PCDHGB4: variants seen among roughly 807,000 people sequenced by gnomAD.
PCDHGB4 encodes protocadherin gamma subfamily B, 4.
PCDHGB4 carries 38 observed loss-of-function variants against 60.5 expected under a neutral mutation model. The ratio of observed to expected loss-of-function variants is 0.63; its 90% CI spans 0.48 to 0.82. The LOEUF is 0.82. Among genes scored for constraint, PCDHGB4 ranks in the 40% least tolerant of loss-of-function variants. The pLI is 0.00. For missense variants in PCDHGB4, 1,109 were observed against 1,209.6 expected, an observed-to-expected ratio of 0.92 and a Z score of 1.23; for synonymous variants, 456 against 509.7, an observed-to-expected ratio of 0.89 and a Z score of 1.42.
intron 1 of PCDHGB4, chr5:141,395,493 A>T: frequency 2.0e-6 from 1 of 490,474 alleles, no homozygotes; most frequent in Non-Finnish European, 3.5e-6. Context: ...ATTATCACTC[A>T]TTCACTTAAG....
Position 141,494,880 on chromosome 5 carries a change from C to T in PCDHGB4, c.2456+15C>T. On this transcript the variant is annotated intron_variant, in intron 2 of 3. Transcript: ENST00000519479. ...GGCACCAGCGGGTAGGTGACTGATT[C>T]TCCAGCCCACCCTCTTCTCTGCGGC... 3 of 1,614,158 alleles carry T rather than the reference C, an allele frequency of 1.9e-6. No homozygotes were observed. Among genetic ancestry groups the T allele is most frequent in the Non-Finnish European group, 1.7e-6 (2 of 1,180,012 alleles).
chr5:141,406,647 A>G (rs2094834813), intron 1 of PCDHGB4, among the ~76,000 whole-genome samples: 1 of 152,182 alleles, frequency 6.6e-6, no homozygotes, highest in Non-Finnish European at 1.5e-5. Context: ...TAATTTCCTA[A>G]TGCTTTAATG....
chr5:141,496,215 T>C (rs2099767024), intron 2 of PCDHGB4, among the ~76,000 whole-genome samples: 3 of 152,114 alleles, frequency 2.0e-5, no homozygotes, highest in Non-Finnish European at 4.4e-5. Context: ...TATGAATTCC[T>C]GCTGAGACAG....
chr5:141,454,356 T>G (rs1461475653), intron 1 of PCDHGB4, among the ~76,000 whole-genome samples: 1 of 152,224 alleles, frequency 6.6e-6, no homozygotes, highest in East Asian at 1.9e-4. Context: ...TGATCCAAAC[T>G]TAGAAAGGAG....
chr5:141,409,928 G>T, intron 1 of PCDHGB4: 4 of 1,613,354 alleles, frequency 2.5e-6, no homozygotes, highest in Non-Finnish European at 2.5e-6. Flanking sequence ...CGCGTTCTTC[G>T]ATATGGTACC....
rs971610218 is a variant in PCDHGB4, at chr5:141,400,979, C to T, written c.2397+10698C>T. Among the ~76,000 whole-genome samples, 10 of 152,258 alleles carry T rather than the reference C, an allele frequency of 6.6e-5. No individual in the cohort carries two copies. The East Asian group carries it at 9.6e-4, about 15-fold the overall frequency. ...GTAGTTTTCATCTCTTTCTTATGTT[C>T]CTCATATATGCTTTCTTATTCCTAC... On this transcript the variant is annotated intron_variant, in intron 1 of 3. Transcript: ENST00000519479.
At position 141,469,305 on chromosome 5, in the gene PCDHGB4, G is replaced by A. The variant is rs990437808; in HGVS notation, c.2398-25502G>A. Among the ~76,000 whole-genome samples the A allele has an allele frequency of 3.9e-5, 6 of 152,192 alleles. No homozygotes were observed. The South Asian group carries it at 6.2e-4, about 16-fold the overall frequency. On this transcript the variant is annotated intron_variant, in intron 1 of 3. Transcript: ENST00000519479. ...AAATAAAACAAAATAGACTGGGCACGATGGCTCACGCCTGTAATCCCACCA... is the reference window on the plus strand; with the variant it reads ...AAATAAAACAAAATAGACTGGGCACAATGGCTCACGCCTGTAATCCCACCA...
intron 3 of PCDHGB4, 149 bp downstream of exon 3, chr5:141,505,630 A>G (rs558394591): frequency 4.7e-5 from 69 of 1,480,262 alleles, no homozygotes; most frequent in Admixed American, 2.2e-5. Flanking sequence ...AATTCCAAAC[A>G]TAAAGCCTGG....
intron 1 of PCDHGB4, among the ~76,000 whole-genome samples, chr5:141,453,864 G>A (rs758778743): frequency 2.6e-5 from 4 of 152,192 alleles, no homozygotes; most frequent in Non-Finnish European, 5.9e-5. Context: ...GAAAATAACA[G>A]ATGAGCAAAA....
chr5:141,437,765 G>C (rs1561886251), intron 1 of PCDHGB4, among the ~76,000 whole-genome samples: 1 of 148,074 alleles, frequency 6.8e-6, no homozygotes, highest in African/African-American at 2.5e-5. Flanking sequence ...TTGAGACAGA[G>C]TCTCAATCTG....
At chr5:141,403,319 G>A (rs776881134) in intron 1 of PCDHGB4, 2 of 1,613,954 alleles carry the variant, frequency 1.2e-6, no homozygotes, top group East Asian at 2.2e-5. Flanking sequence ...AGAAATAGAA[G>A]TAACTGATAT....
intron 1 of PCDHGB4, chr5:141,396,121 G>T: frequency 6.6e-6 from 1 of 152,188 alleles, no homozygotes. Context: ...AATGTTTCAG[G>T]TACACAAGTT....
chr5:141,470,123 C>T (rs368463710), intron 1 of PCDHGB4, among the ~76,000 whole-genome samples: 11 of 151,234 alleles, frequency 7.3e-5, no homozygotes, highest in Admixed American at 3.3e-4. Flanking sequence ...AGCAAGACTT[C>T]GTCTCAAAAA....
chr5:141,415,967 C>A, intron 1 of PCDHGB4: 1 of 389,100 alleles, frequency 2.6e-6, no homozygotes, highest in Non-Finnish European at 4.2e-6. Context: ...AACTCCAGCC[C>A]CTTAAGCAAC....
chr5:141,413,699 A>T (rs2095668539), intron 1 of PCDHGB4: 2 of 1,613,762 alleles, frequency 1.2e-6, no homozygotes, highest in East Asian at 4.5e-5. Context: ...CAGAGCTATC[A>T]GCTCAGCCCC....
intron 1 of PCDHGB4, chr5:141,413,586 C>G (rs2095657085): frequency 2.5e-6 from 4 of 1,613,724 alleles, no homozygotes; most frequent in Admixed American, 1.7e-5. Context: ...CTCCAAAATT[C>G]CAAGCAGAAA....
chr5:141,397,510 C>T (rs979129643), intron 1 of PCDHGB4, among the ~76,000 whole-genome samples: 2 of 152,098 alleles, frequency 1.3e-5, no homozygotes, highest in African/African-American at 2.4e-5. Context: ...AAAATTGTTT[C>T]CATAGCTAAT....
chr5:141,465,781 T>G (rs2099109506), intron 1 of PCDHGB4, among the ~76,000 whole-genome samples: 1 of 150,278 alleles, frequency 6.7e-6, no homozygotes, highest in Non-Finnish European at 1.5e-5. Context: ...TTGTTACAGT[T>G]TTTTTTTTTT....
rs2099668037 is a variant in PCDHGB4 at position 141,487,853 on chromosome 5, T to C, written c.2398-6954T>C. The C allele has an allele frequency of 1.0e-6, 1 of 984,708 alleles. No individual in the cohort carries two copies. The allele number at this position is 984,708 out of a possible 1,614,324, so 61.0% of individuals were successfully genotyped here. The stretch of plus-strand genomic sequence containing the variant: ...CCTATATCTGAGTAAGAAATGAAAG[T>C]AATTGGTGATCAAGAGCCAGGCTGT... On this transcript the variant is annotated intron_variant, in intron 1 of 3. Transcript: ENST00000519479. The surrounding 1 kb of genome is among the most constrained non-coding windows in gnomAD (Gnocchi z 5.0).
Sources: gnomAD v4.1 joint callset for allele counts (sites outside exome capture counted in the v4.1 genomes callset) on GRCh38, gnomAD v4.1.1 for gene constraint, Gnocchi (gnomAD v3.1) non-coding constraint, MANE v1.5 for transcripts, NCBI Gene and HGNC (gene_info 2026-07-23, HGNC 2026-07-21) for gene names.